The following WWP1 variants were observed in gnomAD, a reference collection of about 807,000 sequenced individuals.
The protein encoded by WWP1 is WW domain containing E3 ubiquitin protein ligase 1, also known as NEDD4-like E3 ubiquitin-protein ligase WWP1.
Under a neutral mutation model 130.6 loss-of-function variants are expected in WWP1, and 49 were observed. The ratio of observed to expected loss-of-function variants is 0.38; its 90% CI spans 0.30 to 0.48. The LOEUF (loss-of-function observed/expected upper bound fraction) is 0.48, where lower values mean the gene tolerates loss of function less well. Among genes scored for constraint, WWP1 ranks in the 20% least tolerant of loss-of-function variants. WWP1 has a pLI of 0.99. For missense variants in WWP1, 809 were observed against 1,100.6 expected, an observed-to-expected ratio of 0.74 and a Z score of 3.75; for synonymous variants, 332 against 367.8, an observed-to-expected ratio of 0.90 and a Z score of 1.11.
chr8:86,394,085 A>G (rs2130457101), intron 5 of WWP1, among the ~76,000 whole-genome samples: 2 of 152,326 alleles, frequency 1.3e-5, no homozygotes, highest in East Asian at 3.9e-4. Flanking sequence ...GATTATTGTT[A>G]TTTTTAGCCA....
At position 86,398,613 on chromosome 8, in the gene WWP1, G is replaced by A. The variant is rs1209580464; in HGVS notation, c.514G>A (p.Glu172Lys). ...TGGTGATGCCTTACATGAAAATGGA[G>A]AGCCTTCAGCAAGGACAACTGCCAG... ...ENGDALHENG[E>K]PSARTTARLA... The change falls in exon 7 of 25, where the codon GAG becomes AAG. Residue 172 changes from glutamate (E) to lysine (K), a missense_variant. Coordinates refer to ENST00000517970, the MANE Select transcript of WWP1 (RefSeq NM_007013.4). 1.2e-6 allele frequency: 2 copies of A among 1,612,346 alleles called. No homozygotes were observed. The highest frequency in any genetic ancestry group is 2.7e-5 in the African/African-American group (2 of 74,864).
chr8:86,425,135 T>C (rs1809546136), intron 9 of WWP1, 88 bp from the exon 10 acceptor site: 6 of 952,166 alleles, frequency 6.3e-6, no homozygotes, highest in Non-Finnish European at 7.9e-6. Flanking sequence ...AAAGCTTATC[T>C]GTAATTTTTC....
Position 86,452,622 on chromosome 8 carries a change from T to C in WWP1, c.2337T>C (p.Gly779=), listed in dbSNP as rs1260095130. 1 of 1,613,344 alleles carries C rather than the reference T, an allele frequency of 6.2e-7. No homozygotes were observed. The highest frequency in any genetic ancestry group is 1.7e-5 in the Admixed American group (1 of 59,942). ...AACAGACCAAAGCTTTCCTTGATGG[T>C]TTTAATGAAGTTGTTCCTCTTCAGT... ...VQEQTKAFLD[G]FNEVVPLQWL... The change falls in exon 21 of 25, where the codon GGT becomes GGC. Residue 779 remains glycine (G), a synonymous_variant. Transcript: ENST00000517970.
intron 8 of WWP1, among the ~76,000 whole-genome samples, chr8:86,409,376 G>A (rs1808459621): frequency 6.7e-6 from 1 of 149,812 alleles, no homozygotes; most frequent in South Asian, 2.1e-4. Context: ...TGGGATTACA[G>A]GCACACAACC....
rs752999713 is a variant in WWP1 at position 86,457,984 on chromosome 8, C to T, written c.2458C>T (p.His820Tyr). 6.2e-7 allele frequency: 1 copy of T among 1,612,656 alleles called. No homozygotes were observed. The highest frequency in any genetic ancestry group is 1.1e-5 in the South Asian group (1 of 90,988). ...ADWQRNTVYRHYTRNSKQIIW... is the reference protein window; with the variant it reads ...ADWQRNTVYRYYTRNSKQIIW... Reference sequence around the variant, plus strand: ...TTGGCAGAGAAATACTGTTTATCGACATTATACAAGAAACAGCAAGCAAAT... The same window carrying T: ...TTGGCAGAGAAATACTGTTTATCGATATTATACAAGAAACAGCAAGCAAAT... Residue 820 changes from histidine (H) to tyrosine (Y), a missense_variant, in exon 22 of 25, where the codon CAT (histidine) becomes TAT (tyrosine). His to Tyr is a moderately conservative substitution (Grantham distance 83, BLOSUM62 2). Coordinates refer to ENST00000517970, the MANE Select transcript of WWP1 (RefSeq NM_007013.4).
intron 2 of WWP1, among the ~76,000 whole-genome samples, chr8:86,371,478 G>A (rs1016566279): frequency 2.0e-5 from 3 of 152,092 alleles, no homozygotes; most frequent in Non-Finnish European, 4.4e-5. Context: ...AGCCACCACT[G>A]TTGCATGTTT....
intron 1 of WWP1, among the ~76,000 whole-genome samples, chr8:86,354,572 G>A (rs1823146079): frequency 6.6e-6 from 1 of 152,118 alleles, no homozygotes; most frequent in African/African-American, 2.4e-5. Flanking sequence ...GCTTTAAAAT[G>A]CTTAGGAAGA....
At chr8:86,361,991 TAC>T (rs1179254223) in intron 1 of WWP1, among the ~76,000 whole-genome samples, 21 of 128,186 alleles carry the variant, frequency 1.6e-4, no homozygotes, top group Non-Finnish European at 2.6e-4. Flanking sequence ...TATATATATA[TAC>T]ATATATATAC....
At chr8:86,401,549 T>TA (rs11329718) in intron 7 of WWP1, among the ~76,000 whole-genome samples, 49 of 143,776 alleles carry the variant, frequency 3.4e-4, no homozygotes, top group Admixed American at 1.2e-3. Context: ...ATCCTGTCTC[T>TA]AAAAAAAAAA....
chr8:86,444,272 G>T (rs1397103740), intron 18 of WWP1, among the ~76,000 whole-genome samples: 1 of 152,194 alleles, frequency 6.6e-6, no homozygotes, highest in Non-Finnish European at 1.5e-5. Context: ...TGGCCAGCTT[G>T]TCTGGTTGCA....
chr8:86,351,666 C>A (rs996110532), intron 1 of WWP1, among the ~76,000 whole-genome samples: 1 of 151,988 alleles, frequency 6.6e-6, no homozygotes, highest in Non-Finnish European at 1.5e-5. Context: ...AGGGTAAGCA[C>A]GAAATCTGGG....
intron 18 of WWP1, among the ~76,000 whole-genome samples, chr8:86,443,441 C>T (rs914227739): frequency 1.3e-5 from 2 of 152,092 alleles, no homozygotes; most frequent in Non-Finnish European, 2.9e-5. Flanking sequence ...GAATTTTAAG[C>T]GCTTTGCAGA....
At chr8:86,384,861 G>C (rs1401998163) in intron 5 of WWP1, among the ~76,000 whole-genome samples, 2 of 151,824 alleles carry the variant, frequency 1.3e-5, no homozygotes, top group African/African-American at 4.8e-5. Context: ...AATTAGCCAG[G>C]CTTTATCAAA....
intron 1 of WWP1, among the ~76,000 whole-genome samples, chr8:86,353,801 CTGTT>C (rs1172156569): frequency 3.3e-5 from 5 of 152,130 alleles, no homozygotes; most frequent in African/African-American, 7.2e-5. Flanking sequence ...CCTATTGTAT[CTGTT>C]TGTTTTCACT....
Position 86,435,744 on chromosome 8 carries a change from A to G in WWP1, c.1749+40A>G, listed in dbSNP as rs746355667. The G allele has an allele frequency of 3.8e-6, 6 of 1,586,330 alleles. No individual in the cohort carries two copies. In the South Asian group the frequency reaches 5.6e-5, roughly 15 times the overall value. ...AGCAGAATAAAACACCATTTGTCTC[A>G]TTGTATTCTGTGCATCTAAAGAAAG... On this transcript the variant is annotated intron_variant, in intron 16 of 24. Coordinates refer to ENST00000517970, the MANE Select transcript of WWP1 (RefSeq NM_007013.4).
intron 1 of WWP1, among the ~76,000 whole-genome samples, chr8:86,346,292 A>C (rs1175804989): frequency 6.6e-6 from 1 of 152,146 alleles, no homozygotes; most frequent in Non-Finnish European, 1.5e-5. Flanking sequence ...TGTAAGTGAA[A>C]TAAGAAACTT....
intron 24 of WWP1, among the ~76,000 whole-genome samples, chr8:86,463,566 A>G (rs960498740): frequency 2.6e-5 from 4 of 152,038 alleles, no homozygotes; most frequent in African/African-American, 7.2e-5. Flanking sequence ...TTGGCCTCGC[A>G]AAGTGCTGGG....
intron 8 of WWP1, among the ~76,000 whole-genome samples, chr8:86,403,848 A>T (rs1223805047): frequency 1.3e-5 from 2 of 152,124 alleles, no homozygotes; most frequent in African/African-American, 4.8e-5. Flanking sequence ...AGAAGAATAG[A>T]TACAATTATG....
intron 3 of WWP1, among the ~76,000 whole-genome samples, chr8:86,377,945 A>G (rs1023125249): frequency 6.6e-6 from 1 of 152,122 alleles, no homozygotes; most frequent in African/African-American, 2.4e-5. Flanking sequence ...CATTCTTTTC[A>G]AATGTTTCAA....
Sources: gnomAD v4.1 joint callset for allele counts (sites outside exome capture counted in the v4.1 genomes callset) on GRCh38, gnomAD v4.1.1 for gene constraint, MANE v1.5 for transcripts, NCBI Gene and HGNC (gene_info 2026-07-23, HGNC 2026-07-21) for gene names.